LARGE1: variants seen among roughly 807,000 people sequenced by gnomAD.
The protein encoded by LARGE1 is LARGE xylosyl- and glucuronyltransferase 1.
LARGE1 carries 43 observed loss-of-function variants against 87.6 expected under a neutral mutation model. That is an observed-to-expected ratio of 0.49 (90% CI 0.38 to 0.63). The LOEUF (loss-of-function observed/expected upper bound fraction) is 0.63. LARGE1 is among the 30% of genes least tolerant of loss of function. The pLI is 0.00. For missense variants in LARGE1, 802 were observed against 1,000.2 expected (o/e 0.80, Z 2.67); for synonymous variants, 434 against 394.6 (o/e 1.10, Z -1.18).
chr22:33,367,748 AAT>A (rs1481137064), intron 9 of LARGE1, among the ~76,000 whole-genome samples: 1 of 152,114 alleles, frequency 6.6e-6, no homozygotes, highest in Non-Finnish European at 1.5e-5. Context: ...TGTTTATATT[AAT>A]ATATCATCTT....
At chr22:33,442,957 A>T (rs971089700) in intron 6 of LARGE1, among the ~76,000 whole-genome samples, 1 of 151,872 alleles carries the variant, frequency 6.6e-6, no homozygotes, top group Non-Finnish European at 1.5e-5. Flanking sequence ...ACATCCGGCT[A>T]ATTTTTTGTA....
intron 1 of LARGE1, among the ~76,000 whole-genome samples, chr22:33,809,239 A>T (rs1170825961): frequency 6.7e-6 from 1 of 150,064 alleles, no homozygotes; most frequent in Non-Finnish European, 1.5e-5. Flanking sequence ...GCCACTGCAC[A>T]CCAGCCTGGT....
At position 33,693,559 on chromosome 22, in the gene LARGE1, C is replaced by T. The variant is rs188420045; in HGVS notation, c.107-42891G>A. On this transcript the variant is annotated intron_variant, in intron 2 of 14. Coordinates refer to ENST00000397394, the MANE Select transcript of LARGE1 (RefSeq NM_133642.5). Reference sequence around the variant, plus strand: ...CCTCAACCCATGGCTGGGGCGGTGGCTCACGCCTGTGATCCCAGCCTTCGG... The same window carrying T: ...CCTCAACCCATGGCTGGGGCGGTGGTTCACGCCTGTGATCCCAGCCTTCGG... Among the ~76,000 whole-genome samples, 1,205 of 152,300 alleles carry T rather than the reference C, an allele frequency of 7.9e-3. 9 individuals are homozygous for T. Among genetic ancestry groups the T allele is most frequent in the Non-Finnish European group, 0.013 (857 of 68,014 alleles).
At chr22:33,407,196 T>A (rs1245749784) in intron 7 of LARGE1, among the ~76,000 whole-genome samples, 1 of 152,210 alleles carries the variant, frequency 6.6e-6, no homozygotes, top group East Asian at 1.9e-4. Context: ...TTGAGCAGGC[T>A]GGAGTGCAGT....
At chr22:33,233,457 G>A (rs1926107411) in intron 11 of LARGE1, among the ~76,000 whole-genome samples, 1 of 152,098 alleles carries the variant, frequency 6.6e-6, no homozygotes, top group Non-Finnish European at 1.5e-5. Context: ...CCTCTCTCTA[G>A]CTTTCACCCC....
the LARGE1 span, among the ~76,000 whole-genome samples, chr22:33,073,587 C>A: frequency 1.3e-5 from 2 of 152,164 alleles, no homozygotes; most frequent in African/African-American, 4.8e-5. Flanking sequence ...CTCCTCCACT[C>A]TCTCTAACAC....
intron 11 of LARGE1, among the ~76,000 whole-genome samples, chr22:33,214,256 A>G (rs373975383): frequency 1.3e-5 from 2 of 152,236 alleles, no homozygotes; most frequent in Admixed American, 1.3e-4. Context: ...GTAGATGGCC[A>G]TCTTCTCCCT....
intron 6 of LARGE1, among the ~76,000 whole-genome samples, chr22:33,486,458 A>G (rs1052402852): frequency 8.5e-5 from 13 of 152,148 alleles, no homozygotes; most frequent in Non-Finnish European, 4.4e-5. Context: ...GAGCATCAAC[A>G]TCAAGCATGG....
intron 11 of LARGE1, among the ~76,000 whole-genome samples, chr22:33,184,236 C>A (rs1403539625): frequency 1.3e-5 from 2 of 151,176 alleles, no homozygotes; most frequent in African/African-American, 4.8e-5. Flanking sequence ...TTTTCAAATG[C>A]TTGATATCTT....
chr22:33,427,750 T>C (rs2066929041), intron 7 of LARGE1, among the ~76,000 whole-genome samples: 1 of 152,244 alleles, frequency 6.6e-6, no homozygotes, highest in South Asian at 2.1e-4. Context: ...CAGGCACACG[T>C]GGCTGCGCCA....
chr22:33,697,549 CAAAAAAAA>C (rs3072289), intron 2 of LARGE1, among the ~76,000 whole-genome samples: 3 of 54,094 alleles, frequency 5.5e-5, no homozygotes, highest in Admixed American at 6.8e-4. Context: ...GACTCTGTCC[CAAAAAAAA>C]AAAAAAAAAA....
At chr22:33,147,152 T>C in the LARGE1 span, among the ~76,000 whole-genome samples, 2 of 152,226 alleles carry the variant, frequency 1.3e-5, no homozygotes, top group Non-Finnish European at 2.9e-5. Flanking sequence ...CACTCTTCTG[T>C]TGATGGACAT....
At chr22:33,817,386 G>T (rs2086686148) in intron 1 of LARGE1, among the ~76,000 whole-genome samples, 3 of 152,070 alleles carry the variant, frequency 2.0e-5, no homozygotes, top group Admixed American at 2.0e-4. Flanking sequence ...GCTCTATGAG[G>T]GAGTCAGTAC....
chr22:33,202,791 A>G (rs1390207036), intron 11 of LARGE1, among the ~76,000 whole-genome samples: 2 of 152,180 alleles, frequency 1.3e-5, no homozygotes, highest in African/African-American at 4.8e-5. Flanking sequence ...CCCAAGAGCC[A>G]GAGACCTGCT....
At chr22:33,520,822 G>A (rs1447744951) in intron 6 of LARGE1, among the ~76,000 whole-genome samples, 1 of 152,252 alleles carries the variant, frequency 6.6e-6, no homozygotes, top group Admixed American at 6.5e-5. Flanking sequence ...GAGTGGCTCC[G>A]TGAACTGATT....
chr22:33,873,495 G>A (rs540457922), intron 1 of LARGE1: 1 of 152,472 alleles, frequency 6.6e-6, no homozygotes, highest in East Asian at 1.9e-4. Context: ...GATGCAGGCA[G>A]GCAACACAGG....
At chr22:33,172,249 A>G (rs1336200924) in intron 11 of LARGE1, among the ~76,000 whole-genome samples, 1 of 152,202 alleles carries the variant, frequency 6.6e-6, no homozygotes, top group Non-Finnish European at 1.5e-5. Flanking sequence ...TTTATTTTAC[A>G]GGCTCATAGG....
At chr22:33,196,338 T>A (rs137428) in intron 11 of LARGE1, among the ~76,000 whole-genome samples, 85,820 of 151,804 alleles carry the variant, frequency 0.57, 24,581 homozygotes, top group Middle Eastern at 0.62. Flanking sequence ...TGCTGCAGAC[T>A]TCAAAAGGGT....
intron 6 of LARGE1, among the ~76,000 whole-genome samples, chr22:33,537,212 C>G (rs923114085): frequency 6.6e-6 from 1 of 152,232 alleles, no homozygotes; most frequent in Non-Finnish European, 1.5e-5. Flanking sequence ...TCTGACAGTT[C>G]TGGAGGTCAG....
Sources: gnomAD v4.1 joint callset for allele counts (sites outside exome capture counted in the v4.1 genomes callset) on GRCh38, gnomAD v4.1.1 for gene constraint, MANE v1.5 for transcripts, NCBI Gene and HGNC (gene_info 2026-07-23, HGNC 2026-07-21) for gene names.